The following SNTG2 variants were observed in gnomAD, a reference collection of about 807,000 sequenced individuals.
SNTG2 encodes syntrophin gamma 2.
SNTG2 carries 74 observed loss-of-function variants against 70.9 expected under a neutral mutation model. That is an observed-to-expected ratio of 1.04 (90% CI 0.86 to 1.27). SNTG2 has a LOEUF of 1.27. Ranked by LOEUF, SNTG2 falls within the 50% of genes most tolerant of loss-of-function variation. The pLI is 0.00. For synonymous variants in SNTG2, 278 were observed against 273.8 expected (o/e 1.02, Z -0.15); for missense variants, 717 against 690.7 (o/e 1.04, Z -0.43).
chr2:1,249,520 T>G (rs1347369185), intron 12 of SNTG2, among the ~76,000 whole-genome samples: 1 of 152,380 alleles, frequency 6.6e-6, no homozygotes, highest in East Asian at 1.9e-4. Context: ...GTATACTCTC[T>G]CTGGTCTTCT....
intron 1 of SNTG2, among the ~76,000 whole-genome samples, chr2:1,053,102 A>G (rs10195874): frequency 0.095 from 14,403 of 152,054 alleles, 831 homozygotes; most frequent in Middle Eastern, 0.15. Context: ...TTTCTTTATG[A>G]CCCTGCGTTT....
At chr2:1,189,179 T>C (rs1048918272) in intron 8 of SNTG2, among the ~76,000 whole-genome samples, 3 of 152,122 alleles carry the variant, frequency 2.0e-5, no homozygotes, top group Non-Finnish European at 4.4e-5. Flanking sequence ...AATAAAAATA[T>C]GTTAAAATAT....
chr2:1,088,055 G>A (rs1340194023), intron 2 of SNTG2, among the ~76,000 whole-genome samples: 3 of 152,078 alleles, frequency 2.0e-5, no homozygotes, highest in South Asian at 2.1e-4. Context: ...AGTAGACATC[G>A]CTTCTGCTTT....
At chr2:1,060,102 C>T (rs1269492048) in intron 1 of SNTG2, among the ~76,000 whole-genome samples, 1 of 152,078 alleles carries the variant, frequency 6.6e-6, no homozygotes, top group Non-Finnish European at 1.5e-5. Flanking sequence ...TGTACTCTTA[C>T]CTGCAGGCCT....
rs138518750 is a variant in SNTG2 at position 1,227,542 on chromosome 2, GC to G, written c.720-10344del. Among the ~76,000 whole-genome samples the G allele has an allele frequency of 5.3e-5, 8 of 152,312 alleles. No individual in the cohort carries two copies. In the East Asian group the frequency reaches 1.6e-3, roughly 30 times the overall value. On this transcript the variant is annotated intron_variant, in intron 9 of 16. Transcript: ENST00000308624. ...GACAGCCTTTGAGCTCGTCCGCTCC[GC>G]CACGAATCCGTTTCCCCACGGTATC...
At chr2:1,170,938 C>T (rs1671086943) in intron 7 of SNTG2, among the ~76,000 whole-genome samples, 1 of 152,126 alleles carries the variant, frequency 6.6e-6, no homozygotes, top group Non-Finnish European at 1.5e-5. Flanking sequence ...TTATTTTCCA[C>T]AGCAGCCGCA....
At chr2:1,268,119 G>A (rs1005984440) in intron 14 of SNTG2, among the ~76,000 whole-genome samples, 1 of 152,154 alleles carries the variant, frequency 6.6e-6, no homozygotes, top group African/African-American at 2.4e-5. Context: ...GAAGGGATGA[G>A]GAAGAATGCA....
chr2:1,248,725 G>A (rs1424382977), intron 12 of SNTG2, among the ~76,000 whole-genome samples: 1 of 152,156 alleles, frequency 6.6e-6, no homozygotes, highest in East Asian at 1.9e-4. Flanking sequence ...GGAGGAGGTG[G>A]CTGGCACCGC....
At chr2:1,328,909 A>C (rs1168143122) in intron 16 of SNTG2, among the ~76,000 whole-genome samples, 1 of 106,846 alleles carries the variant, frequency 9.4e-6, no homozygotes, top group African/African-American at 3.5e-5. Context: ...GCACACACAC[A>C]TGCACACATA....
At chr2:1,339,004 G>A (rs912032019) in intron 16 of SNTG2, among the ~76,000 whole-genome samples, 3 of 152,102 alleles carry the variant, frequency 2.0e-5, no homozygotes, top group Non-Finnish European at 2.9e-5. Flanking sequence ...CAATTTCTCC[G>A]CATCCTCATC....
chr2:1,122,390 AT>A (rs1294129373), intron 4 of SNTG2, among the ~76,000 whole-genome samples: 1 of 152,198 alleles, frequency 6.6e-6, no homozygotes, highest in Non-Finnish European at 1.5e-5. Flanking sequence ...CCAACAGCAC[AT>A]TAGAAAGATT....
At chr2:971,311 T>A (rs1043642032) in intron 1 of SNTG2, among the ~76,000 whole-genome samples, 10 of 152,158 alleles carry the variant, frequency 6.6e-5, no homozygotes, top group South Asian at 2.1e-4. Context: ...TTTGTTTTTT[T>A]ATCACTGATT....
At chr2:1,226,378 A>AG (rs1675777604) in intron 9 of SNTG2, among the ~76,000 whole-genome samples, 1 of 152,170 alleles carries the variant, frequency 6.6e-6, no homozygotes, top group East Asian at 1.9e-4. Context: ...AGCTTCATAG[A>AG]GGTTAAATCG....
At chr2:1,163,367 A>C (rs963382116) in intron 6 of SNTG2, 5 of 149,542 alleles carry the variant, frequency 3.3e-5, no homozygotes, top group African/African-American at 1.0e-4. Context: ...AAGTCTTCCC[A>C]ACAGGAAGTG....
chr2:1,279,636 C>G (rs549881963), intron 14 of SNTG2, among the ~76,000 whole-genome samples: 87 of 152,310 alleles, frequency 5.7e-4, no homozygotes, highest in African/African-American at 2.1e-3. Flanking sequence ...TTTGCTATAT[C>G]TGTACCGCAT....
At chr2:1,329,142 T>G (rs1165934226) in intron 16 of SNTG2, among the ~76,000 whole-genome samples, 2 of 152,206 alleles carry the variant, frequency 1.3e-5, no homozygotes, top group African/African-American at 2.4e-5. Context: ...GTGGGACATA[T>G]TTGTTTATTA....
At chr2:1,074,294 T>G (rs1663780310) in intron 1 of SNTG2, among the ~76,000 whole-genome samples, 2 of 152,224 alleles carry the variant, frequency 1.3e-5, no homozygotes, top group Non-Finnish European at 2.9e-5. Context: ...TAAATCACTG[T>G]GACCTCCTTG....
intron 1 of SNTG2, among the ~76,000 whole-genome samples, chr2:991,822 T>G (rs55921370): frequency 0.076 from 11,570 of 152,262 alleles, 630 homozygotes; most frequent in South Asian, 0.21. Context: ...TCATTGTAAT[T>G]ATCAATAAAT....
intron 1 of SNTG2, among the ~76,000 whole-genome samples, chr2:957,261 TAGAG>T (rs1480544497): frequency 1.7e-5 from 2 of 114,548 alleles, no homozygotes; most frequent in African/African-American, 4.1e-5. Flanking sequence ...GCAAGGTAGA[TAGAG>T]AAAGTCCAGC....
Sources: gnomAD v4.1 joint callset for allele counts (sites outside exome capture counted in the v4.1 genomes callset) on GRCh38, gnomAD v4.1.1 for gene constraint, MANE v1.5 for transcripts, NCBI Gene and HGNC (gene_info 2026-07-23, HGNC 2026-07-21) for gene names.